Variants in OR2T2 observed in about 807,000 individuals in gnomAD.
OR2T2 encodes olfactory receptor 2T2.
For missense variants in OR2T2, 138 were observed against 409.1 expected, an observed-to-expected ratio of 0.34 and a Z score of 5.72; for synonymous variants, 50 against 162.7, an observed-to-expected ratio of 0.31 and a Z score of 5.27.
At chr1:248,447,978 CTG>C (rs1308582645) in intron 2 of OR2T2, among the ~76,000 whole-genome samples, 2 of 152,284 alleles carry the variant, frequency 1.3e-5, no homozygotes, top group Admixed American at 6.5e-5. Context: ...TATCATCCCT[CTG>C]TGTAGTTGAT....
chr1:248,447,112 G>A (rs1318412402), intron 2 of OR2T2, among the ~76,000 whole-genome samples: 2 of 151,744 alleles, frequency 1.3e-5, no homozygotes, highest in Non-Finnish European at 2.9e-5. Context: ...CTGGAGATAA[G>A]GTAAGGGAAA....
exon 3 of OR2T2, chr1:248,453,112 C>T (rs780898046): frequency 2.5e-6 from 4 of 1,613,112 alleles, no homozygotes; most frequent in African/African-American, 2.7e-5. Flanking sequence ...TCTTCCTCTA[C>T]CTGACCCTGA....
intron 2 of OR2T2, among the ~76,000 whole-genome samples, chr1:248,449,963 C>G (rs1662755378): frequency 7.3e-6 from 1 of 137,474 alleles, no homozygotes; most frequent in Non-Finnish European, 1.5e-5. Flanking sequence ...ATAAGTCAAA[C>G]CACACATCGT....
Position 248,452,898 on chromosome 1 carries a change from C to T in OR2T2, c.101C>T (p.Ser34Phe), listed in dbSNP as rs147043009. ...GGGCTTCTCTTTGCAATAGTCTTCT[C>T]CATCTTTGTGGTGGCTATAACAGCC... The change falls in exon 3 of 3, where the codon TCC becomes TTC. Residue 34 changes from serine (S) to phenylalanine (F), a missense_variant. Physicochemically the swap from Ser to Phe is radical, Grantham distance 155. Transcript: ENST00000642130. 116 of 1,614,290 alleles carry T rather than the reference C, an allele frequency of 7.2e-5. 1 individual carries two copies. The African/African-American group carries it at 1.4e-3, about 19-fold the overall frequency.
chr1:248,454,909 A>ATTT (rs1662901010), exon 3 of OR2T2: 1 of 103,908 alleles, frequency 9.6e-6, no homozygotes. Context: ...ATAAATGTAG[A>ATTT]ATGAATAAAC....
intron 2 of OR2T2, among the ~76,000 whole-genome samples, chr1:248,447,584 CATT>C (rs1457465652): frequency 6.7e-6 from 1 of 150,342 alleles, no homozygotes; most frequent in African/African-American, 2.5e-5. Context: ...AGCCTTTTGA[CATT>C]ATTTACATTG....
At chr1:248,451,058 GTTTA>G (rs200721280) in intron 2 of OR2T2, among the ~76,000 whole-genome samples, 2,416 of 6,100 alleles carry the variant, frequency 0.4, 5 homozygotes, top group Middle Eastern at 0.47. Context: ...CCCTTTGGAT[GTTTA>G]TTCATCTTTT....
At chr1:248,447,107 G>GA (rs1216770898) in intron 2 of OR2T2, among the ~76,000 whole-genome samples, 40 of 152,136 alleles carry the variant, frequency 2.6e-4, no homozygotes, top group African/African-American at 9.4e-4. Context: ...TAGAACTGGA[G>GA]ATAAGGTAAG....
intron 2 of OR2T2, among the ~76,000 whole-genome samples, chr1:248,450,372 G>A (rs1326885995): frequency 1.4e-5 from 2 of 144,600 alleles, no homozygotes; most frequent in Admixed American, 6.6e-5. Flanking sequence ...ACACGGTCTC[G>A]GTTGTATAAA....
chr1:248,447,005 G>A (rs1662676980), intron 2 of OR2T2, among the ~76,000 whole-genome samples, 194 bp downstream of exon 2: 1 of 148,220 alleles, frequency 6.7e-6, no homozygotes, highest in South Asian at 2.1e-4. Context: ...TGGGATGGGA[G>A]GGAAAGTAGA....
At chr1:248,446,993 G>T (rs1287874779) in intron 2 of OR2T2, among the ~76,000 whole-genome samples, 182 bp downstream of exon 2, 2 of 147,898 alleles carry the variant, frequency 1.4e-5, no homozygotes, top group Non-Finnish European at 3.0e-5. Flanking sequence ...CAAATTGTCA[G>T]TTGGGATGGG....
chr1:248,453,568 C>G (rs1395448758), exon 3 of OR2T2: 6 of 1,555,820 alleles, frequency 3.9e-6, no homozygotes, highest in Non-Finnish European at 5.3e-6. Context: ...GGGCAGCCTT[C>G]TACACCAACG....
rs367672246 is a variant in OR2T2, at chr1:248,453,640, C to G, written c.843C>G (p.Ile281Met). 5.1e-5 allele frequency: 82 copies of G among 1,593,630 alleles called. No individual in the cohort carries two copies. In the African/African-American group the frequency reaches 1.0e-3, roughly 20 times the overall value. ...AAGTGGTGTCTGCCTTCTACACCAT[C>G]CTCACCCCCATGCTCAACCCACTCA... Residue 281 changes from isoleucine (I) to methionine (M), a missense_variant, in exon 3 of 3, where the codon ATC becomes ATG. By Grantham distance (10) the Ile-to-Met change is conservative. Transcript: ENST00000642130.
At chr1:248,449,719 G>A (rs989212969) in intron 2 of OR2T2, among the ~76,000 whole-genome samples, 2 of 124,904 alleles carry the variant, frequency 1.6e-5, no homozygotes, top group Non-Finnish European at 3.1e-5. Flanking sequence ...GGGGGTCAGG[G>A]GTTCTGGGTT....
intron 2 of OR2T2, among the ~76,000 whole-genome samples, chr1:248,448,277 AAATT>A (rs1558338368): frequency 6.8e-6 from 1 of 146,252 alleles, no homozygotes; most frequent in Non-Finnish European, 1.5e-5. Context: ...ATGAAGGAAA[AAATT>A]ATGCAAGTTT....
At chr1:248,447,126 G>C (rs1014801050) in intron 2 of OR2T2, among the ~76,000 whole-genome samples, 11 of 151,970 alleles carry the variant, frequency 7.2e-5, no homozygotes, top group Non-Finnish European at 1.3e-4. Flanking sequence ...AGGGAAAAGA[G>C]AAATTCACAT....
At chr1:248,455,425 GAA>G (rs1301411356) in exon 3 of OR2T2, 1 of 37,652 alleles carries the variant, frequency 2.7e-5, no homozygotes, top group African/African-American at 1.1e-4. Flanking sequence ...CAAACACATG[GAA>G]AAGAGATGGA....
intron 2 of OR2T2, 82 bp downstream of exon 2, chr1:248,446,893 C>T (rs1351007661): frequency 7.0e-6 from 1 of 143,788 alleles, no homozygotes; most frequent in South Asian, 2.1e-4. Flanking sequence ...TAAATGTTCA[C>T]CTACATGCCA....
rs534723266 is a variant in OR2T2, at chr1:248,446,206, C to A, written c.-245-383C>A. On this transcript the variant is annotated intron_variant, in intron 1 of 2. Coordinates refer to ENST00000642130, the Ensembl canonical transcript of OR2T2. ...TAACCTCCTTCCTCTTTTATTGAAC[C>A]CATAAGGCATCCACGTGTGCCTTAA... Among the ~76,000 whole-genome samples the A allele has an allele frequency of 1.4e-5, 2 of 142,714 alleles. 1 individual carries two copies. Among genetic ancestry groups the A allele is most frequent in the African/African-American group, 5.8e-5 (2 of 34,550 alleles). 93.6% of individuals were successfully genotyped at this position (142,714 alleles called of 152,430 possible).
Sources: allele counts gnomAD v4.1 joint callset (sites outside exome capture counted in the v4.1 genomes callset), GRCh38; gene constraint gnomAD v4.1.1; transcripts MANE v1.5; gene names NCBI Gene and HGNC (gene_info 2026-07-23, HGNC 2026-07-21).